The following MSR1 variants were observed in gnomAD, a reference collection of about 807,000 sequenced individuals.
MSR1 encodes macrophage scavenger receptor types I and II.
Under a neutral mutation model 47.2 loss-of-function variants are expected in MSR1, and 53 were observed. The observed-to-expected ratio is 1.12, with a 90% CI of 0.90 to 1.41. The LOEUF (loss-of-function observed/expected upper bound fraction) is 1.41, where lower values mean the gene tolerates loss of function less well. Ranked by LOEUF, MSR1 falls within the 40% of genes most tolerant of loss-of-function variation. The pLI, the probability that MSR1 is intolerant of heterozygous loss-of-function variation, is 0.00. For synonymous variants in MSR1, 239 were observed against 185.6 expected (o/e 1.29, Z -2.34); for missense variants, 786 against 546.9 (o/e 1.44, Z -4.36).
Position 16,107,967 on chromosome 8 carries a change from T to C in MSR1, c.*2118A>G, listed in dbSNP as rs796728614. ...TCAATTTGTATTGGTGCTATTAGGT[T>C]CTTTTCTTGACTGGACTGAACTTAG... On this transcript the variant is annotated 3_prime_UTR_variant, in exon 10 of 10. Coordinates refer to ENST00000262101, the MANE Select transcript of MSR1 (RefSeq NM_138715.3). 1.2e-4 allele frequency: 18 copies of C among 152,012 alleles called. No individual in the cohort carries two copies. The highest frequency in any genetic ancestry group is 4.3e-4 in the African/African-American group (18 of 41,516). 9.4% of individuals were successfully genotyped at this position (152,012 alleles called of 1,614,324 possible). A position where few individuals can be genotyped will look rare whatever the true frequency, so the allele number is the denominator to read the frequency against.
chr8:16,109,953 C>A lies in MSR1; in HGVS notation c.*132G>T. ...GCATGAAGGTGTTCAATATATTAAT[C>A]CTGTAATCTAAAATATTATTTGGGC... On this transcript the variant is annotated 3_prime_UTR_variant, in exon 10 of 10. Coordinates refer to ENST00000262101, the MANE Select transcript of MSR1 (RefSeq NM_138715.3). 9.5e-7 allele frequency: 1 copy of A among 1,047,494 alleles called. No homozygotes were observed. The highest frequency in any genetic ancestry group is 1.4e-5 in the South Asian group (1 of 72,848). The allele number at this position is 1,047,494 out of a possible 1,614,324, so 64.9% of individuals were successfully genotyped here. A position where few individuals can be genotyped will look rare whatever the true frequency, so the allele number is the denominator to read the frequency against.
chr8:16,178,439 C>A (rs1282612793), intron 1 of MSR1, among the ~76,000 whole-genome samples: 2 of 152,096 alleles, frequency 1.3e-5, no homozygotes, highest in African/African-American at 4.8e-5. Context: ...TAAACTCATC[C>A]TTTTTTGTGG....
chr8:16,137,505 T>G (rs1800420869), intron 8 of MSR1, among the ~76,000 whole-genome samples: 1 of 152,102 alleles, frequency 6.6e-6, no homozygotes, highest in African/African-American at 2.4e-5. Context: ...GACATATCTG[T>G]GATATATATA....
intron 1 of MSR1, among the ~76,000 whole-genome samples, chr8:16,179,340 T>C (rs1169854381): frequency 6.6e-6 from 1 of 152,184 alleles, no homozygotes; most frequent in Non-Finnish European, 1.5e-5. Flanking sequence ...CCTGCCTTCC[T>C]CCATCCTCTT....
Position 16,143,565 on chromosome 8 carries a change from G to A in MSR1, c.1026C>T (p.Asn342=). 1 of 1,611,724 alleles carries A rather than the reference G, an allele frequency of 6.2e-7. No individual in the cohort carries two copies. The change falls in exon 8 of 10, where the codon AAC becomes AAT. Residue 342 remains asparagine (N), a synonymous_variant. Transcript: ENST00000262101. ...AAAATACTATATACTTACTTAATGT[G>A]TTTCCACTCCCCTTTTCCCCTTTCT... ...KGQKGEKGSG[N]TLTPFTKVRL... is the part of the protein sequence containing the mutation.
chr8:16,135,121 A>C (rs893918126), intron 8 of MSR1, among the ~76,000 whole-genome samples: 2 of 152,290 alleles, frequency 1.3e-5, no homozygotes, highest in East Asian at 3.9e-4. Flanking sequence ...ATAATTGATG[A>C]AGGTTACTAC....
chr8:16,170,755 G>C (rs1476286355), intron 3 of MSR1, among the ~76,000 whole-genome samples: 1 of 152,072 alleles, frequency 6.6e-6, no homozygotes, highest in Admixed American at 6.5e-5. Context: ...ATAGGATCTA[G>C]TTCCCTGATT....
At chr8:16,129,800 G>A (rs551409057) in intron 8 of MSR1, among the ~76,000 whole-genome samples, 28 of 152,028 alleles carry the variant, frequency 1.8e-4, no homozygotes, top group Non-Finnish European at 3.5e-4. Context: ...TTCCAGAGAC[G>A]ATCGGCTGAA....
intron 7 of MSR1, among the ~76,000 whole-genome samples, chr8:16,149,654 T>C (rs557137703): frequency 1.3e-5 from 2 of 152,254 alleles, no homozygotes; most frequent in Admixed American, 6.5e-5. Flanking sequence ...GGAAATAATA[T>C]CATCATGTGT....
intron 8 of MSR1, among the ~76,000 whole-genome samples, chr8:16,124,359 T>C (rs1057437380): frequency 2.6e-5 from 4 of 152,188 alleles, no homozygotes; most frequent in Non-Finnish European, 4.4e-5. Context: ...TGGGAATCCC[T>C]GGTAGAATTA....
intron 8 of MSR1, chr8:16,140,221 G>A: frequency 1.0e-6 from 1 of 984,666 alleles, no homozygotes; most frequent in Non-Finnish European, 1.2e-6. Flanking sequence ...TTGTGTTCTA[G>A]ACTCTAGGTG....
intron 8 of MSR1, chr8:16,139,315 C>A (rs552816504): frequency 3.1e-6 from 3 of 982,306 alleles, no homozygotes; most frequent in African/African-American, 1.7e-5. Flanking sequence ...GCGAAGCATA[C>A]CTTACATCTT....
intron 8 of MSR1, chr8:16,120,866 G>A (rs35384606): frequency 0.052 from 24,928 of 483,330 alleles, 885 homozygotes; most frequent in East Asian, 0.13. Context: ...ACGAGGACAC[G>A]TCACAGATTA....
At chr8:16,181,040 A>T (rs1203620390) in intron 1 of MSR1, among the ~76,000 whole-genome samples, 1 of 152,096 alleles carries the variant, frequency 6.6e-6, no homozygotes, top group African/African-American at 2.4e-5. Context: ...TTAGATCCAC[A>T]CTCTTCTCTA....
intron 8 of MSR1, chr8:16,140,782 A>G: frequency 6.8e-7 from 1 of 1,461,916 alleles, no homozygotes; most frequent in Non-Finnish European, 9.0e-7. Context: ...TGGTGGAGTA[A>G]TTGGAGTAAG....
chr8:16,110,821 T>G (rs1464084308), intron 9 of MSR1, among the ~76,000 whole-genome samples: 1 of 152,176 alleles, frequency 6.6e-6, no homozygotes, highest in African/African-American at 2.4e-5. Context: ...TTAAGAATGC[T>G]ACTGATTGCA....
chr8:16,148,224 T>A (rs539932249), intron 7 of MSR1, among the ~76,000 whole-genome samples: 1 of 152,282 alleles, frequency 6.6e-6, no homozygotes, highest in East Asian at 1.9e-4. Flanking sequence ...TTATAGCTAA[T>A]TGCTTATGCA....
intron 8 of MSR1, among the ~76,000 whole-genome samples, chr8:16,142,426 A>T (rs1377637491): frequency 1.3e-5 from 2 of 152,142 alleles, no homozygotes; most frequent in Non-Finnish European, 2.9e-5. Flanking sequence ...GAAAAGACAG[A>T]CAGATTAATG....
rs1277256553 is a variant in MSR1 at position 16,183,468 on chromosome 8, A to G, written c.-4-5476T>C. 2.7e-5 allele frequency among the ~76,000 whole-genome samples: 4 copies of G among 149,434 alleles called. No homozygotes were observed. In the Admixed American group the frequency reaches 2.7e-4, roughly 10 times the overall value. Reference sequence around the variant, plus strand: ...TAAATAGAATATGCTGAATATTCATATATGAATAGATGAATAACTATATAG... The same window carrying G: ...TAAATAGAATATGCTGAATATTCATGTATGAATAGATGAATAACTATATAG... On this transcript the variant is annotated intron_variant, in intron 1 of 9. Transcript: ENST00000262101.
Sources: gnomAD v4.1 joint callset for allele counts (sites outside exome capture counted in the v4.1 genomes callset) on GRCh38, gnomAD v4.1.1 for gene constraint, MANE v1.5 for transcripts, NCBI Gene and HGNC (gene_info 2026-07-23, HGNC 2026-07-21) for gene names.